The following NPAS3 variants were observed in gnomAD, a reference collection of about 807,000 sequenced individuals.
The protein encoded by NPAS3 is neuronal PAS domain protein 3, also known as neuronal PAS domain-containing protein 3.
Under a neutral mutation model 73.1 loss-of-function variants are expected in NPAS3, and 14 were observed. That is an observed-to-expected ratio of 0.19 (90% CI 0.13 to 0.30). The LOEUF is 0.30. NPAS3 is among the 10% of genes least tolerant of loss of function. The pLI, the probability that NPAS3 is intolerant of heterozygous loss-of-function variation, is 1.00. For missense variants in NPAS3, 1,096 were observed against 1,250.0 expected, an observed-to-expected ratio of 0.88 and a Z score of 1.86; for synonymous variants, 620 against 541.5, an observed-to-expected ratio of 1.14 and a Z score of -2.01.
chr14:33,106,281 C>G (rs2042720192), intron 2 of NPAS3, among the ~76,000 whole-genome samples: 1 of 152,064 alleles, frequency 6.6e-6, no homozygotes, highest in East Asian at 1.9e-4. Flanking sequence ...ATGTTCTTAC[C>G]TCTAGTTTAT....
At chr14:33,504,836 G>A (rs1449660880) in intron 4 of NPAS3, among the ~76,000 whole-genome samples, 3 of 151,978 alleles carry the variant, frequency 2.0e-5, no homozygotes, top group South Asian at 4.1e-4. Flanking sequence ...CAGAAGACCA[G>A]CATGCTATGG....
chr14:33,429,360 C>T (rs17101093), intron 4 of NPAS3, among the ~76,000 whole-genome samples: 2,723 of 152,160 alleles, frequency 0.018, 49 homozygotes, highest in Non-Finnish European at 0.027. Flanking sequence ...TATGCTATCT[C>T]TTGGATCTTC....
intron 2 of NPAS3, among the ~76,000 whole-genome samples, chr14:33,199,947 T>G (rs574172760): frequency 6.6e-6 from 1 of 152,266 alleles, no homozygotes; most frequent in East Asian, 1.9e-4. Context: ...TCAACATTAT[T>G]GCACTAATAA....
rs575417780 is a variant in NPAS3 at position 33,436,181 on chromosome 14, G to C, written c.468+68913G>C. Among the ~76,000 whole-genome samples, 5 of 152,298 alleles carry C rather than the reference G, an allele frequency of 3.3e-5. No homozygotes were observed. The South Asian group carries it at 1.0e-3, about 32-fold the overall frequency. ...GCATGAAGAATGGGTGATTTCGAGA[G>C]GTGACTCCTTTCTCGTGCATGTAAG... On this transcript the variant is annotated intron_variant, in intron 4 of 11. Coordinates refer to ENST00000356141, the Ensembl canonical transcript of NPAS3.
intron 5 of NPAS3, among the ~76,000 whole-genome samples, chr14:33,661,816 T>A (rs1002760504): frequency 1.3e-5 from 2 of 152,232 alleles, no homozygotes; most frequent in Admixed American, 1.3e-4. Flanking sequence ...AAATGATAAA[T>A]TCACAGTTGG....
At chr14:33,682,484 G>A (rs2140365308) in intron 6 of NPAS3, among the ~76,000 whole-genome samples, 1 of 152,328 alleles carries the variant, frequency 6.6e-6, no homozygotes, top group South Asian at 2.1e-4. Flanking sequence ...CTGAAATGAA[G>A]ATGATGGGTG....
chr14:33,307,044 C>T (rs1381063669), intron 3 of NPAS3, among the ~76,000 whole-genome samples: 1 of 152,130 alleles, frequency 6.6e-6, no homozygotes, highest in Non-Finnish European at 1.5e-5. Flanking sequence ...AAGGCTCTGA[C>T]CTGGCTATTG....
At chr14:33,388,521 C>T in intron 4 of NPAS3, among the ~76,000 whole-genome samples, 1 of 151,982 alleles carries the variant, frequency 6.6e-6, no homozygotes, top group East Asian at 1.9e-4. Flanking sequence ...CAGAAATAGA[C>T]TCTGAAGGCA....
intron 7 of NPAS3, among the ~76,000 whole-genome samples, chr14:33,755,050 G>A (rs925689201): frequency 6.6e-6 from 1 of 152,150 alleles, no homozygotes; most frequent in Non-Finnish European, 1.5e-5. Context: ...AACAGATGTA[G>A]GTTTTAGTCC....
upstream of NPAS3, chr14:32,939,273 G>T: frequency 1.4e-6 from 1 of 716,032 alleles, no homozygotes; most frequent in East Asian, 3.5e-5. Flanking sequence ...CCCGGGAGGG[G>T]GGAGAGAGGC....
intron 4 of NPAS3, among the ~76,000 whole-genome samples, chr14:33,433,478 G>A (rs1302186062): frequency 6.6e-6 from 1 of 152,172 alleles, no homozygotes; most frequent in Non-Finnish European, 1.5e-5. Flanking sequence ...TTGTGGTAAT[G>A]AGAAATGGCA....
At chr14:33,572,019 T>G (rs1275155312) in intron 5 of NPAS3, among the ~76,000 whole-genome samples, 1 of 152,226 alleles carries the variant, frequency 6.6e-6, no homozygotes, top group Non-Finnish European at 1.5e-5. Flanking sequence ...ACAAGGGTAT[T>G]TCATTTTCTA....
rs1225159686 is a variant in NPAS3 at position 32,975,300 on chromosome 14, C to CCCTCCCTTCCTCCTTT, written c.50+35941_50+35942insTCCTCCTTTCCTCCCT. On this transcript the variant is annotated intron_variant, in intron 1 of 11. Coordinates refer to ENST00000356141, the Ensembl canonical transcript of NPAS3. ...CTGCCCTTCTATTCCTTCCCTCCCT[C>CCCTCCCTTCCTCCTTT]CCTCCCTGCCTCCGTCACTCCCTGC... 8.9e-3 allele frequency among the ~76,000 whole-genome samples: 1,310 copies of CCCTCCCTTCCTCCTTT among 147,644 alleles called. 26 individuals are homozygous for CCCTCCCTTCCTCCTTT. The highest frequency in any genetic ancestry group is 0.031 in the African/African-American group (1,232 of 40,108).
chr14:33,467,914 T>C (rs1156529601), intron 4 of NPAS3, among the ~76,000 whole-genome samples: 4 of 152,200 alleles, frequency 2.6e-5, no homozygotes, highest in African/African-American at 9.6e-5. Context: ...CAGAAGAGAC[T>C]TGAACTAGAC....
chr14:33,571,914 A>C (rs1186447235), intron 5 of NPAS3, among the ~76,000 whole-genome samples: 1 of 152,230 alleles, frequency 6.6e-6, no homozygotes, highest in African/African-American at 2.4e-5. Context: ...ATATGTTTAT[A>C]GGTCAGTGAT....
At chr14:33,015,647 G>A (rs111854593) in intron 1 of NPAS3, among the ~76,000 whole-genome samples, 395 of 152,178 alleles carry the variant, frequency 2.6e-3, no homozygotes, top group African/African-American at 9.2e-3. Flanking sequence ...TTATATAGAT[G>A]CACATGCAGT....
intron 5 of NPAS3, among the ~76,000 whole-genome samples, chr14:33,633,197 C>T (rs1003928300): frequency 6.6e-6 from 1 of 152,122 alleles, no homozygotes; most frequent in African/African-American, 2.4e-5. Context: ...ACTTGAGCAT[C>T]TGATGATTTT....
chr14:33,010,953 A>AG (rs2039172182), intron 1 of NPAS3, among the ~76,000 whole-genome samples: 1 of 94,406 alleles, frequency 1.1e-5, no homozygotes. Context: ...AAAAAAAAAA[A>AG]AAGAAAAGAA....
chr14:33,154,309 T>C (rs937945255), intron 2 of NPAS3, among the ~76,000 whole-genome samples: 1 of 152,226 alleles, frequency 6.6e-6, no homozygotes, highest in Non-Finnish European at 1.5e-5. Context: ...TTTATGCTTC[T>C]GACTATACCT....
Sources: gnomAD v4.1 joint callset for allele counts (sites outside exome capture counted in the v4.1 genomes callset) on GRCh38, gnomAD v4.1.1 for gene constraint, MANE v1.5 for transcripts, NCBI Gene and HGNC (gene_info 2026-07-23, HGNC 2026-07-21) for gene names.